The following DLG2 variants were observed in gnomAD, a reference collection of about 807,000 sequenced individuals.
DLG2 encodes discs large MAGUK scaffold protein 2.
DLG2 carries 45 observed loss-of-function variants against 132.5 expected under a neutral mutation model. The ratio of observed to expected loss-of-function variants is 0.34; its 90% confidence interval spans 0.27 to 0.44. The LOEUF (loss-of-function observed/expected upper bound fraction) is 0.44, where lower values mean the gene tolerates loss of function less well. DLG2 is among the 20% of genes least tolerant of loss of function. The pLI is 1.00. For synonymous variants in DLG2, 424 were observed against 419.6 expected, an observed-to-expected ratio of 1.01 and a Z score of -0.13; for missense variants, 1,045 against 1,196.9, an observed-to-expected ratio of 0.87 and a Z score of 1.87.
intron 19 of DLG2, among the ~76,000 whole-genome samples, chr11:83,543,691 G>A (rs941943828): frequency 1.3e-5 from 2 of 152,086 alleles, no homozygotes; most frequent in Admixed American, 6.6e-5. Flanking sequence ...ATGTACAAAT[G>A]GACCTGGCAC....
chr11:85,544,383 T>C (rs117217531), intron 3 of DLG2, among the ~76,000 whole-genome samples: 5,401 of 152,294 alleles, frequency 0.035, 144 homozygotes, highest in Admixed American at 0.052. Context: ...CATGCTGTTT[T>C]GGTTACTCTA....
intron 6 of DLG2, among the ~76,000 whole-genome samples, chr11:85,009,219 C>A (rs1455947834): frequency 6.6e-6 from 1 of 152,076 alleles, no homozygotes; most frequent in East Asian, 1.9e-4. Flanking sequence ...TCTCCAGAGA[C>A]CTATTATAAC....
intron 15 of DLG2, among the ~76,000 whole-genome samples, chr11:83,882,578 T>C (rs1446629019): frequency 6.6e-6 from 1 of 152,360 alleles, no homozygotes; most frequent in East Asian, 1.9e-4. Context: ...AAATTGGATA[T>C]GCTTTATTGG....
chr11:85,397,062 G>A (rs1408167965), intron 3 of DLG2, among the ~76,000 whole-genome samples: 31 of 152,120 alleles, frequency 2.0e-4, no homozygotes, highest in African/African-American at 4.1e-4. Context: ...GAAGCCCATC[G>A]GACTAACAGC....
intron 4 of DLG2, among the ~76,000 whole-genome samples, chr11:85,213,469 A>G (rs1165323954): frequency 6.6e-6 from 1 of 152,114 alleles, no homozygotes; most frequent in African/African-American, 2.4e-5. Context: ...CACTTAGCTA[A>G]AAGAGTTATT....
At chr11:84,863,174 C>T (rs915394527) in intron 6 of DLG2, among the ~76,000 whole-genome samples, 15 of 152,094 alleles carry the variant, frequency 9.9e-5, no homozygotes, top group Admixed American at 1.3e-4. Context: ...GCTGTTTATG[C>T]GGCTGCAAAA....
At chr11:84,734,952 G>A (rs554289380) in intron 6 of DLG2, among the ~76,000 whole-genome samples, 38 of 152,166 alleles carry the variant, frequency 2.5e-4, no homozygotes, top group African/African-American at 6.0e-4. Context: ...ATTGATTTGC[G>A]TATGTTGAAC....
intron 4 of DLG2, among the ~76,000 whole-genome samples, chr11:85,250,660 C>T (rs144656625): frequency 1.4e-4 from 21 of 152,166 alleles, no homozygotes; most frequent in Middle Eastern, 6.8e-3. Context: ...ATGAACAGAT[C>T]ATGGAGCATA....
At chr11:84,510,652 AT>A (rs1279224514) in intron 7 of DLG2, among the ~76,000 whole-genome samples, 1 of 152,186 alleles carries the variant, frequency 6.6e-6, no homozygotes, top group African/African-American at 2.4e-5. Flanking sequence ...CATATTTAGT[AT>A]TTTTTAAATG....
chr11:84,271,479 G>C (rs1010951864), intron 7 of DLG2, among the ~76,000 whole-genome samples: 1 of 152,136 alleles, frequency 6.6e-6, no homozygotes, highest in African/African-American at 2.4e-5. Flanking sequence ...TATAGTCAAG[G>C]TTCTGAGTTT....
In DLG2 at chr11:84,387,185, G is replaced by C. The variant is rs182928004; in HGVS notation, c.520-135894C>G. On this transcript the variant is annotated intron_variant, in intron 7 of 27. Coordinates refer to ENST00000376104, the MANE Select transcript of DLG2 (RefSeq NM_001142699.3). Reference sequence around the variant, plus strand: ...CCCAGGCTTCCAGTAGCTCCCAGGTGGGCGCTAGAGTCCATGCATTTACCT... The same window carrying C: ...CCCAGGCTTCCAGTAGCTCCCAGGTCGGCGCTAGAGTCCATGCATTTACCT... Among the ~76,000 whole-genome samples the C allele has an allele frequency of 2.0e-5, 3 of 152,084 alleles. No individual in the cohort carries two copies. In the East Asian group the frequency reaches 5.8e-4, roughly 30 times the overall value.
At chr11:85,321,008 CA>C (rs2081027904) in intron 3 of DLG2, among the ~76,000 whole-genome samples, 1 of 149,734 alleles carries the variant, frequency 6.7e-6, no homozygotes, top group Non-Finnish European at 1.5e-5. Flanking sequence ...ATGTATGGTC[CA>C]AAAAATAAAA....
chr11:83,899,291 C>A (rs1054137357), intron 15 of DLG2, among the ~76,000 whole-genome samples: 2 of 152,184 alleles, frequency 1.3e-5, no homozygotes, highest in Non-Finnish European at 2.9e-5. Context: ...ACTTGGATCT[C>A]TGTCTCCAAA....
chr11:85,049,583 T>C (rs1186454779), intron 6 of DLG2, among the ~76,000 whole-genome samples: 3 of 152,070 alleles, frequency 2.0e-5, no homozygotes, highest in African/African-American at 7.2e-5. Context: ...TCAATAAACA[T>C]GTGATAATAG....
chr11:83,827,215 G>A (rs996966220), intron 17 of DLG2, among the ~76,000 whole-genome samples: 3 of 152,066 alleles, frequency 2.0e-5, no homozygotes, highest in Non-Finnish European at 2.9e-5. Context: ...AGAGGTGGAA[G>A]CAACAACACC....
chr11:85,056,695 A>G (rs945247343), intron 6 of DLG2, among the ~76,000 whole-genome samples: 1 of 151,826 alleles, frequency 6.6e-6, no homozygotes, highest in African/African-American at 2.4e-5. Flanking sequence ...ACACACCAAA[A>G]CATACAATAA....
At chr11:85,519,971 T>C (rs1435213007) in intron 3 of DLG2, among the ~76,000 whole-genome samples, 1 of 152,088 alleles carries the variant, frequency 6.6e-6, no homozygotes, top group Non-Finnish European at 1.5e-5. Context: ...TAAACCCCAT[T>C]CTTTTGTAAA....
At chr11:83,637,452 A>G (rs2065144322) in intron 18 of DLG2, among the ~76,000 whole-genome samples, 1 of 152,178 alleles carries the variant, frequency 6.6e-6, no homozygotes, top group Non-Finnish European at 1.5e-5. Context: ...ATTTTTCCTA[A>G]GAAAGTTCTG....
intron 3 of DLG2, among the ~76,000 whole-genome samples, chr11:85,559,762 TAAATCTCA>T (rs2077126826): frequency 6.6e-6 from 1 of 151,474 alleles, no homozygotes; most frequent in Non-Finnish European, 1.5e-5. Context: ...CGAGGTATCT[TAAATCTCA>T]AAATCTAAAA....
Sources: gnomAD v4.1 joint callset for allele counts (sites outside exome capture counted in the v4.1 genomes callset) on GRCh38, gnomAD v4.1.1 for gene constraint, MANE v1.5 for transcripts, NCBI Gene and HGNC (gene_info 2026-07-23, HGNC 2026-07-21) for gene names.